Variants in ZNF385D observed in about 807,000 individuals in gnomAD.
ZNF385D encodes zinc finger protein 659.
ZNF385D carries 15 observed loss-of-function variants against 35.8 expected under a neutral mutation model. The ratio of observed to expected loss-of-function variants is 0.42; its 90% CI spans 0.28 to 0.64. The LOEUF (loss-of-function observed/expected upper bound fraction) is 0.64. Among genes scored for constraint, ZNF385D ranks in the 30% least tolerant of loss-of-function variants. The probability of loss-of-function intolerance (pLI) is 0.23; values close to 1 mark genes in which losing one functional copy is unlikely to be tolerated. For synonymous variants in ZNF385D, 212 were observed against 186.8 expected (o/e 1.13, Z -1.10); for missense variants, 474 against 494.6 (o/e 0.96, Z 0.39).
intron 1 of ZNF385D, among the ~76,000 whole-genome samples, chr3:21,750,550 C>T (rs1236783010): frequency 6.6e-6 from 1 of 152,114 alleles, no homozygotes; most frequent in East Asian, 1.9e-4. Context: ...GTTTCACATT[C>T]CATTAAGTTA....
At chr3:22,265,363 C>A (rs1700844680) in intron 2 of ZNF385D, among the ~76,000 whole-genome samples, 1 of 151,926 alleles carries the variant, frequency 6.6e-6, no homozygotes, top group Non-Finnish European at 1.5e-5. Flanking sequence ...CTTAAGCGAT[C>A]ATCATGAAAT....
chr3:21,594,473 C>T (rs923286728), intron 2 of ZNF385D, among the ~76,000 whole-genome samples: 3 of 152,062 alleles, frequency 2.0e-5, no homozygotes, highest in Admixed American at 2.0e-4. Context: ...TGATTTCAGG[C>T]CCAGGCTGTG....
At chr3:22,273,627 C>A (rs2125366254) in intron 2 of ZNF385D, among the ~76,000 whole-genome samples, 1 of 152,058 alleles carries the variant, frequency 6.6e-6, no homozygotes, top group Non-Finnish European at 1.5e-5. Flanking sequence ...AGGGTAAAAT[C>A]ATGATTCTCA....
At chr3:22,197,453 T>A (rs1430408670) in intron 2 of ZNF385D, among the ~76,000 whole-genome samples, 1 of 152,204 alleles carries the variant, frequency 6.6e-6, no homozygotes, top group Non-Finnish European at 1.5e-5. Flanking sequence ...CTTTGACCAA[T>A]TGGCAGTTCG....
chr3:21,970,318 T>G (rs989280623), intron 3 of ZNF385D, among the ~76,000 whole-genome samples: 2 of 151,976 alleles, frequency 1.3e-5, no homozygotes. Flanking sequence ...TTTAAGATAA[T>G]TCAGAGAAGG....
intron 3 of ZNF385D, among the ~76,000 whole-genome samples, chr3:22,039,255 C>CAA (rs376799573): frequency 0.13 from 13,947 of 103,772 alleles, 1,030 homozygotes; most frequent in South Asian, 0.25. Context: ...TAATCCAAGC[C>CAA]AAAAAAAAAA....
chr3:21,768,395 G>A (rs771755290), intron 3 of ZNF385D, among the ~76,000 whole-genome samples: 4 of 151,986 alleles, frequency 2.6e-5, no homozygotes, highest in Non-Finnish European at 5.9e-5. Flanking sequence ...AGCACCAGGA[G>A]TCTCTTTCCC....
At chr3:22,036,219 A>G (rs958055440) in intron 3 of ZNF385D, among the ~76,000 whole-genome samples, 1 of 152,208 alleles carries the variant, frequency 6.6e-6, no homozygotes, top group South Asian at 2.1e-4. Context: ...AAGGTACTCA[A>G]TTCTTCTCAG....
At chr3:21,681,631 T>G (rs1009285178) in intron 1 of ZNF385D, among the ~76,000 whole-genome samples, 1 of 150,902 alleles carries the variant, frequency 6.6e-6, no homozygotes, top group African/African-American at 2.4e-5. Flanking sequence ...GCTGCATATA[T>G]TTGGAACACA....
At chr3:21,836,285 G>T (rs1442539948) in intron 3 of ZNF385D, among the ~76,000 whole-genome samples, 1 of 151,994 alleles carries the variant, frequency 6.6e-6, no homozygotes, top group African/African-American at 2.4e-5. Flanking sequence ...TCACTTTTTC[G>T]ATTAAAGTAT....
chr3:22,323,178 G>T (rs1328652147), intron 2 of ZNF385D, among the ~76,000 whole-genome samples: 1 of 152,090 alleles, frequency 6.6e-6, no homozygotes, highest in Non-Finnish European at 1.5e-5. Flanking sequence ...TTTGCACAAA[G>T]ATTTTTGAGT....
chr3:22,178,992 G>A (rs1402401221), intron 2 of ZNF385D, among the ~76,000 whole-genome samples: 1 of 152,078 alleles, frequency 6.6e-6, no homozygotes, highest in East Asian at 1.9e-4. Flanking sequence ...CAGTAGCCTT[G>A]TAGTATAGTT....
At chr3:21,989,639 C>A (rs1265751725) in intron 3 of ZNF385D, among the ~76,000 whole-genome samples, 1 of 151,870 alleles carries the variant, frequency 6.6e-6, no homozygotes, top group African/African-American at 2.4e-5. Context: ...ACACTGGATG[C>A]ATGTTCTTAT....
chr3:21,744,741 G>C (rs1464957066), intron 1 of ZNF385D, among the ~76,000 whole-genome samples: 1 of 152,014 alleles, frequency 6.6e-6, no homozygotes, highest in Non-Finnish European at 1.5e-5. Context: ...TTACACTGCA[G>C]AGTCCTATGA....
At chr3:22,250,138 T>C (rs1699989268) in intron 2 of ZNF385D, among the ~76,000 whole-genome samples, 1 of 152,152 alleles carries the variant, frequency 6.6e-6, no homozygotes, top group African/African-American at 2.4e-5. Flanking sequence ...CTTCAAGGTA[T>C]CTTCCCCCAA....
chr3:22,184,670 C>G (rs1232107766), intron 2 of ZNF385D, among the ~76,000 whole-genome samples: 4 of 152,064 alleles, frequency 2.6e-5, no homozygotes, highest in Admixed American at 6.6e-5. Context: ...TACTTACAAA[C>G]ACAAAAATTA....
At chr3:22,149,705 C>G (rs1705099231) in intron 3 of ZNF385D, among the ~76,000 whole-genome samples, 1 of 152,216 alleles carries the variant, frequency 6.6e-6, no homozygotes, top group South Asian at 2.1e-4. Context: ...TTAGTTAATC[C>G]TAGAAGTTCT....
intron 3 of ZNF385D, among the ~76,000 whole-genome samples, chr3:21,783,256 C>T (rs2071561321): frequency 6.6e-6 from 1 of 151,934 alleles, no homozygotes; most frequent in African/African-American, 2.4e-5. Flanking sequence ...TTAATAAATA[C>T]AAGGGTTTAT....
chr3:22,148,550 G>T (rs924415977), intron 3 of ZNF385D, among the ~76,000 whole-genome samples: 15 of 152,178 alleles, frequency 9.9e-5, no homozygotes, highest in African/African-American at 3.4e-4. Flanking sequence ...AAGAATCTGT[G>T]TATATGAGTA....
Sources: gnomAD v4.1 joint callset for allele counts (sites outside exome capture counted in the v4.1 genomes callset) on GRCh38, gnomAD v4.1.1 for gene constraint, MANE v1.5 for transcripts, NCBI Gene and HGNC (gene_info 2026-07-23, HGNC 2026-07-21) for gene names.